NBAS: variants seen among roughly 807,000 people sequenced by gnomAD.
NBAS encodes NBAS subunit of NRZ tethering complex.
A neutral mutation model predicts 302.5 loss-of-function variants in NBAS; 219 were observed. That is an observed-to-expected ratio of 0.72 (90% confidence interval 0.65 to 0.81). NBAS has a LOEUF of 0.81. Among genes scored for constraint, NBAS ranks in the 30% least tolerant of loss-of-function variants. The pLI, the probability that NBAS is intolerant of heterozygous loss-of-function variation, is 0.00. For missense variants in NBAS, 2,932 were observed against 2,841.6 expected (o/e 1.03, Z -0.72); for synonymous variants, 1,118 against 1,021.6 (o/e 1.09, Z -1.80).
At chr2:15,530,139 T>G (rs1390596963) in intron 9 of NBAS, among the ~76,000 whole-genome samples, 1 of 152,158 alleles carries the variant, frequency 6.6e-6, no homozygotes, top group Non-Finnish European at 1.5e-5. Context: ...CAACTAACTC[T>G]TAAACACAGG....
the NBAS span, among the ~76,000 whole-genome samples, chr2:14,809,767 T>C: frequency 6.6e-6 from 1 of 152,120 alleles, no homozygotes; most frequent in African/African-American, 2.4e-5. Context: ...GTTTACACCA[T>C]GGACCTGGAA....
intron 44 of NBAS, among the ~76,000 whole-genome samples, chr2:15,239,199 T>C (rs1448067771): frequency 2.0e-5 from 3 of 152,020 alleles, no homozygotes; most frequent in African/African-American, 7.2e-5. Flanking sequence ...ATCCAAACAT[T>C]TTGGAATATG....
At chr2:15,439,013 C>T (rs931557339) in intron 21 of NBAS, among the ~76,000 whole-genome samples, 9 of 152,010 alleles carry the variant, frequency 5.9e-5, no homozygotes, top group African/African-American at 1.7e-4. Flanking sequence ...GAATATTACC[C>T]GGCCGGGCAC....
At chr2:14,974,676 T>C in the NBAS span, among the ~76,000 whole-genome samples, 1 of 152,182 alleles carries the variant, frequency 6.6e-6, no homozygotes, top group East Asian at 1.9e-4. Context: ...GAAGACTGGG[T>C]GACATTCCTG....
intron 25 of NBAS, among the ~76,000 whole-genome samples, chr2:15,412,520 C>A (rs1345363339): frequency 6.6e-6 from 1 of 152,144 alleles, no homozygotes; most frequent in Non-Finnish European, 1.5e-5. Flanking sequence ...CTTAGTCTAT[C>A]CTGTCTGATA....
At chr2:14,796,063 C>T in the NBAS span, among the ~76,000 whole-genome samples, 4 of 152,174 alleles carry the variant, frequency 2.6e-5, no homozygotes, top group Non-Finnish European at 4.4e-5. Context: ...GTTTTTTGCA[C>T]ATGGATGCCC....
At chr2:14,803,838 T>C in the NBAS span, among the ~76,000 whole-genome samples, 357 of 152,138 alleles carry the variant, frequency 2.3e-3, no homozygotes, top group African/African-American at 7.8e-3. Flanking sequence ...TTAGTGGTGA[T>C]GGGGTTTCAC....
chr2:15,494,986 T>C (rs1210774186), intron 11 of NBAS, among the ~76,000 whole-genome samples: 2 of 152,098 alleles, frequency 1.3e-5, no homozygotes, highest in African/African-American at 4.8e-5. Flanking sequence ...ATACAATAAC[T>C]CTCCTAACAC....
intron 10 of NBAS, among the ~76,000 whole-genome samples, chr2:15,505,500 A>G (rs898426798): frequency 1.3e-5 from 2 of 152,144 alleles, no homozygotes; most frequent in Non-Finnish European, 2.9e-5. Flanking sequence ...GCAAAGGGGC[A>G]AATGTAGTGT....
At chr2:15,391,002 C>T (rs1199940643) in intron 28 of NBAS, among the ~76,000 whole-genome samples, 1 of 151,762 alleles carries the variant, frequency 6.6e-6, no homozygotes, top group Non-Finnish European at 1.5e-5. Context: ...CCTAGCTACT[C>T]GGGAGGCTGA....
At chr2:15,070,870 A>G in the NBAS span, among the ~76,000 whole-genome samples, 2 of 152,212 alleles carry the variant, frequency 1.3e-5, no homozygotes, top group African/African-American at 2.4e-5. Flanking sequence ...CTCCTCCCTG[A>G]GCCCTTTATC....
At chr2:15,179,250 C>A in intron 50 of NBAS, 134 bp from the exon 51 acceptor site, 1 of 1,306,854 alleles carries the variant, frequency 7.7e-7, no homozygotes, top group South Asian at 1.3e-5. Context: ...TGGTACCGCA[C>A]TGGATATACT....
At chr2:14,932,912 C>A in the NBAS span, among the ~76,000 whole-genome samples, 1 of 152,186 alleles carries the variant, frequency 6.6e-6, no homozygotes, top group African/African-American at 2.4e-5. Context: ...TTAGTTGAGA[C>A]TGGTGATACT....
At chr2:14,914,145 A>G in the NBAS span, among the ~76,000 whole-genome samples, 96,480 of 151,982 alleles carry the variant, frequency 0.63, 32,753 homozygotes, top group African/African-American at 0.89. Flanking sequence ...AACAGTATGG[A>G]GGAAACTGTC....
intron 12 of NBAS, among the ~76,000 whole-genome samples, chr2:15,481,185 T>G (rs1449060979): frequency 6.6e-6 from 1 of 152,242 alleles, no homozygotes; most frequent in Non-Finnish European, 1.5e-5. Flanking sequence ...TGAGTCATAT[T>G]CTATTGTATG....
intron 38 of NBAS, among the ~76,000 whole-genome samples, chr2:15,322,187 AT>A (rs1671839897): frequency 7.0e-6 from 1 of 141,846 alleles, no homozygotes; most frequent in Non-Finnish European, 1.5e-5. Flanking sequence ...GAATTGAACA[AT>A]GAGAACACTT....
the NBAS span, among the ~76,000 whole-genome samples, chr2:15,034,906 C>T: frequency 1.3e-5 from 2 of 152,142 alleles, no homozygotes; most frequent in African/African-American, 4.8e-5. Flanking sequence ...ACAAACACTT[C>T]GTTGGGGGGT....
At chr2:14,842,988 C>T in the NBAS span, among the ~76,000 whole-genome samples, 1 of 152,078 alleles carries the variant, frequency 6.6e-6, no homozygotes, top group Non-Finnish European at 1.5e-5. Context: ...AGAATTCATC[C>T]TATGGATACA....
At chr2:14,820,869 G>T in the NBAS span, among the ~76,000 whole-genome samples, 1 of 152,080 alleles carries the variant, frequency 6.6e-6, no homozygotes, top group Admixed American at 6.5e-5. Context: ...GCCAGGCCAG[G>T]TCAGCCACGC....
Sources: allele counts gnomAD v4.1 joint callset (sites outside exome capture counted in the v4.1 genomes callset), GRCh38; gene constraint gnomAD v4.1.1; transcripts MANE v1.5; gene names NCBI Gene and HGNC (gene_info 2026-07-23, HGNC 2026-07-21).